The following SDK2 variants were observed in gnomAD, a reference collection of about 807,000 sequenced individuals.
SDK2 encodes sidekick cell adhesion molecule 2.
SDK2 carries 105 observed loss-of-function variants against 253.9 expected under a neutral mutation model. The observed-to-expected ratio is 0.41, with a 90% CI of 0.35 to 0.49. The LOEUF (loss-of-function observed/expected upper bound fraction) is 0.49, where lower values mean the gene tolerates loss of function less well. Ranked by LOEUF, SDK2 falls within the 20% of genes least tolerant of loss-of-function variation. The pLI is 0.06. For missense variants in SDK2, 2,608 were observed against 3,003.0 expected (o/e 0.87, Z 3.07); for synonymous variants, 1,249 against 1,234.9 (o/e 1.01, Z -0.24).
In SDK2 at chr17:73,481,103, C is replaced by T. The variant is rs558517730; in HGVS notation, c.225-8885G>A. Among the ~76,000 whole-genome samples, 6 of 152,150 alleles carry T rather than the reference C, an allele frequency of 3.9e-5. No individual in the cohort carries two copies. Among genetic ancestry groups the T allele is most frequent in the South Asian group, 2.1e-4 (1 of 4,820 alleles). ...GGAGGGGAAGGGTTAGGGGAAGATCCGGAATTGGTTCTGGAGCAGGCACTG... is the reference window on the plus strand; with the variant it reads ...GGAGGGGAAGGGTTAGGGGAAGATCTGGAATTGGTTCTGGAGCAGGCACTG... On this transcript the variant is annotated intron_variant, in intron 2 of 44. Coordinates refer to ENST00000392650, the MANE Select transcript of SDK2 (RefSeq NM_001144952.2). This position sits in a 1 kb window ranked among gnomAD's most constrained non-coding sequence, Gnocchi z 4.5.
intron 5 of SDK2, among the ~76,000 whole-genome samples, chr17:73,445,636 G>T (rs1300408802): frequency 6.6e-6 from 1 of 152,144 alleles, no homozygotes; most frequent in African/African-American, 2.4e-5. Flanking sequence ...AGGCCCAGGA[G>T]AGGAATGAGG....
intron 1 of SDK2, chr17:73,518,771 T>A (rs1391823342): frequency 6.6e-6 from 1 of 152,206 alleles, no homozygotes; most frequent in African/African-American, 2.4e-5. Flanking sequence ...AGTCCTGGAA[T>A]TCCTCCCAAG....
intron 1 of SDK2, among the ~76,000 whole-genome samples, chr17:73,531,473 C>G (rs904610190): frequency 6.6e-6 from 1 of 152,142 alleles, no homozygotes; most frequent in Admixed American, 6.5e-5. Flanking sequence ...AACACGGCGT[C>G]TGGTCCACCG....
rs143527749 is a variant in SDK2 at position 73,350,285 on chromosome 17, C to T, written c.5990G>A (p.Arg1997Gln). ...SFPALELNNRRLSVKNSFCRK... is the reference protein window; with the variant it reads ...SFPALELNNRQLSVKNSFCRK... ...GCAGAAAGAGTTCTTGACGGAGAGC[C>T]GCCTGTTGTTGAGTTCCAGGGCAGG... Residue 1997 changes from arginine to glutamine, a missense_variant, in exon 43 of 45, where the codon CGG becomes CAG. By Grantham distance (43) the Arg-to-Gln change is conservative (BLOSUM62 1). This residue lies in a region of SDK2 where 1,103 missense variants were observed against 1,143.9 expected (regional missense o/e 0.96). Coordinates refer to ENST00000392650, the MANE Select transcript of SDK2 (RefSeq NM_001144952.2). 17 of 1,600,062 alleles carry T rather than the reference C, an allele frequency of 1.1e-5. No individual in the cohort carries two copies. Among genetic ancestry groups the T allele is most frequent in the South Asian group, 2.2e-5 (2 of 89,786 alleles).
At position 73,336,643 on chromosome 17, in the gene SDK2, G is replaced by A. The variant is rs182655669; in HGVS notation, c.*1944C>T. 2.6e-5 allele frequency: 4 copies of A among 152,774 alleles called. No homozygotes were observed. Among genetic ancestry groups the A allele is most frequent in the Non-Finnish European group, 4.4e-5 (3 of 68,074 alleles). 9.5% of individuals were successfully genotyped at this position (152,774 alleles called of 1,614,324 possible). Reference sequence around the variant, plus strand: ...CACCATTAGCACAGTGACTGACTTGGGGCTGTAGGAGAGTGGTCCAGGCTC... The same window carrying A: ...CACCATTAGCACAGTGACTGACTTGAGGCTGTAGGAGAGTGGTCCAGGCTC... On this transcript the variant is annotated 3_prime_UTR_variant, in exon 45 of 45. Coordinates refer to ENST00000392650, the MANE Select transcript of SDK2 (RefSeq NM_001144952.2).
intron 9 of SDK2, 88 bp from the exon 10 acceptor site, chr17:73,433,936 GC>G: frequency 1.1e-6 from 1 of 870,812 alleles, no homozygotes; most frequent in Non-Finnish European, 1.7e-6. Context: ...CCCACCGAGG[GC>G]CAGGCCCTCA....
At chr17:73,598,852 C>T (rs1369158825) in intron 1 of SDK2, among the ~76,000 whole-genome samples, 1 of 152,238 alleles carries the variant, frequency 6.6e-6, no homozygotes, top group Admixed American at 6.5e-5. Context: ...GTGTAAGTCA[C>T]AGCACCTCTC....
chr17:73,384,734 T>C (rs1473857847), intron 32 of SDK2, among the ~76,000 whole-genome samples: 1 of 152,190 alleles, frequency 6.6e-6, no homozygotes, highest in African/African-American at 2.4e-5. Flanking sequence ...GAGAATCGTG[T>C]GAAGCTGGGA....
chr17:73,424,229 T>G (rs976794380), intron 12 of SDK2, 137 bp from the exon 13 acceptor site: 1 of 693,182 alleles, frequency 1.4e-6, no homozygotes, highest in African/African-American at 1.8e-5. Flanking sequence ...GGCAGGACAC[T>G]GGGATCGGGG....
At position 73,390,496 on chromosome 17, in the gene SDK2, C is replaced by A. The variant is rs1337275278; in HGVS notation, c.3998-15G>T. 4 of 1,601,380 alleles carry A rather than the reference C, an allele frequency of 2.5e-6. No individual in the cohort carries two copies. Among genetic ancestry groups the A allele is most frequent in the Non-Finnish European group, 3.4e-6 (4 of 1,172,066 alleles). On this transcript the variant is annotated splice_polypyrimidine_tract_variant and intron_variant, in intron 28 of 44. Transcript: ENST00000392650. ...GATCTGGTAAGCTGTGGGAAGGAAG[C>A]ACATGGCTATTATGGCAAGCAAGGC... is the stretch of plus-strand genomic sequence containing the variant.
At chr17:73,347,811 G>A (rs549534822) in intron 44 of SDK2, among the ~76,000 whole-genome samples, 4 of 152,230 alleles carry the variant, frequency 2.6e-5, no homozygotes, top group Admixed American at 1.3e-4. Context: ...GTGTCCCCAC[G>A]TGACCCACCT....
At chr17:73,425,534 GTC>G (rs2063274392) in intron 12 of SDK2, among the ~76,000 whole-genome samples, 1 of 152,140 alleles carries the variant, frequency 6.6e-6, no homozygotes, top group African/African-American at 2.4e-5. Flanking sequence ...TTTAGACAGA[GTC>G]TGGCTCTGTC....
rs146265533 is a variant in SDK2 at position 73,422,065 on chromosome 17, G to A, written c.2045+222C>T. On this transcript the variant is annotated intron_variant, in intron 15 of 44. Transcript: ENST00000392650. ...CCAGTAACTGGGATGACTACATTTG[G>A]TTGGTGCTCACCGCGTTCCCCAGTG... 5.0e-3 allele frequency among the ~76,000 whole-genome samples: 757 copies of A among 152,246 alleles called. 8 individuals are homozygous for A. Among genetic ancestry groups the A allele is most frequent in the African/African-American group, 0.017 (702 of 41,514 alleles).
At position 73,559,424 on chromosome 17, in the gene SDK2, A is replaced by T. The variant is rs776324808; in HGVS notation, c.65-51827T>A. 2.6e-5 allele frequency among the ~76,000 whole-genome samples: 4 copies of T among 152,350 alleles called. No individual in the cohort carries two copies. The East Asian group carries it at 7.7e-4, about 29-fold the overall frequency. ...ATGGAATAGACGATATAACAATTAC[A>T]TTGTAATGTGTATTATAATTCTTTT... On this transcript the variant is annotated intron_variant, in intron 1 of 44. Transcript: ENST00000392650.
In SDK2 at chr17:73,360,797, G is replaced by A. The variant is rs367995857; in HGVS notation, c.5467+887C>T. Among the ~76,000 whole-genome samples the A allele has an allele frequency of 1.2e-3, 174 of 151,208 alleles. 2 individuals carry two copies. The South Asian group carries it at 0.018, about 16-fold the overall frequency. ...CTAAAAATACAAAAATTAGCTGGTCGTGGTAGAAATCACCTGTAATCCCAG... is the reference window on the plus strand; with the variant it reads ...CTAAAAATACAAAAATTAGCTGGTCATGGTAGAAATCACCTGTAATCCCAG... On this transcript the variant is annotated intron_variant, in intron 39 of 44. Coordinates refer to ENST00000392650, the MANE Select transcript of SDK2 (RefSeq NM_001144952.2).
chr17:73,586,519 G>A (rs188207401), intron 1 of SDK2, among the ~76,000 whole-genome samples: 43 of 151,700 alleles, frequency 2.8e-4, no homozygotes, highest in Admixed American at 6.6e-4. Context: ...TCTCCTCCTC[G>A]AGCCATAAAC....
intron 36 of SDK2, among the ~76,000 whole-genome samples, chr17:73,369,447 C>T (rs1718257813): frequency 1.3e-5 from 2 of 152,238 alleles, no homozygotes; most frequent in Non-Finnish European, 2.9e-5. Flanking sequence ...CCCAGCTGCA[C>T]CGCATACAGC....
chr17:73,488,968 C>G (rs937613598), intron 2 of SDK2, among the ~76,000 whole-genome samples: 6 of 152,166 alleles, frequency 3.9e-5, no homozygotes, highest in Non-Finnish European at 8.8e-5. Context: ...CAGCGCTTGA[C>G]GTTCGGTAAG....
chr17:73,447,652 A>G lies in SDK2; in HGVS notation c.576T>C (p.Asp192=), dbSNP rs1337178482. 4 of 1,551,718 alleles carry G rather than the reference A, an allele frequency of 2.6e-6. No homozygotes were observed. The highest frequency in any genetic ancestry group is 3.5e-6 in the Non-Finnish European group (4 of 1,147,012). The change falls in exon 5 of 45, where the codon GAT becomes GAC. Residue 192 remains aspartate (D), a synonymous_variant. Coordinates refer to ENST00000392650, the MANE Select transcript of SDK2 (RefSeq NM_001144952.2). This position sits in a 1 kb window ranked among gnomAD's most constrained non-coding sequence, Gnocchi z 4.0. ...GCGTGATGGGCTGGCTGGTCTTGTT[A>G]TCCCCGTTTTTGTCGTTAACAGCCT... is the stretch of plus-strand genomic sequence containing the variant. ...YVQAVNDKNG[D]NKTSQPITLT... is the part of the protein sequence containing the mutation.
Sources: allele counts gnomAD v4.1 joint callset (sites outside exome capture counted in the v4.1 genomes callset), GRCh38; gene constraint gnomAD v4.1.1; regional missense constraint gnomAD v4.1.1; non-coding constraint Gnocchi (gnomAD v3.1); transcripts MANE v1.5; gene names NCBI Gene and HGNC (gene_info 2026-07-23, HGNC 2026-07-21).